Variants in RICTOR observed in about 807,000 individuals in gnomAD.
The protein encoded by RICTOR is RPTOR independent companion of MTOR complex 2, also known as rapamycin-insensitive companion of mTOR.
Under a neutral mutation model 214.9 loss-of-function variants are expected in RICTOR, and 49 were observed. That is an observed-to-expected ratio of 0.23 (90% CI 0.18 to 0.29). The LOEUF is 0.29. Among genes scored for constraint, RICTOR ranks in the 10% least tolerant of loss-of-function variants. The pLI, the probability that RICTOR is intolerant of heterozygous loss-of-function variation, is 1.00. For synonymous variants in RICTOR, 717 were observed against 711.3 expected (o/e 1.01, Z -0.13); for missense variants, 1,625 against 2,047.0 (o/e 0.79, Z 3.98).
At chr5:39,054,947 A>G (rs1758101408) in intron 2 of RICTOR, among the ~76,000 whole-genome samples, 1 of 152,200 alleles carries the variant, frequency 6.6e-6, no homozygotes, top group Non-Finnish European at 1.5e-5. Flanking sequence ...GTCTTGAAAA[A>G]CAATACACTA....
chr5:38,973,012 A>AG (rs1290343838), intron 10 of RICTOR, among the ~76,000 whole-genome samples: 1 of 151,992 alleles, frequency 6.6e-6, no homozygotes, highest in African/African-American at 2.4e-5. Flanking sequence ...CTTACAAAAA[A>AG]AAGCCTTATC....
chr5:39,061,841 C>T (rs1758562802), intron 2 of RICTOR, among the ~76,000 whole-genome samples: 1 of 151,714 alleles, frequency 6.6e-6, no homozygotes, highest in Non-Finnish European at 1.5e-5. Context: ...TTTTTTCATT[C>T]TGCTAGGTAA....
At chr5:39,074,281 G>T in intron 1 of RICTOR, 48 bp downstream of exon 1, 1 of 1,571,030 alleles carries the variant, frequency 6.4e-7, no homozygotes, top group Non-Finnish European at 8.6e-7. Context: ...CAAGTGCCAG[G>T]GGTGGCGGGC....
chr5:39,021,159 T>G, intron 2 of RICTOR, 23 bp from the exon 3 acceptor site: 1 of 1,231,752 alleles, frequency 8.1e-7, no homozygotes, highest in Non-Finnish European at 1.2e-6. Context: ...ACAAGACAAT[T>G]TAACACAATT....
chr5:39,068,253 G>A (rs1301487331), intron 2 of RICTOR, among the ~76,000 whole-genome samples: 2 of 152,202 alleles, frequency 1.3e-5, no homozygotes, highest in South Asian at 2.1e-4. Flanking sequence ...TACATGCCAT[G>A]TTCAAGGAAT....
At chr5:38,951,524 T>G (rs13172966) in intron 30 of RICTOR, among the ~76,000 whole-genome samples, 2,463 of 152,112 alleles carry the variant, frequency 0.016, 38 homozygotes, top group Non-Finnish European at 0.025. Flanking sequence ...TGTCCTAGTT[T>G]AATAGGCAGC....
intron 2 of RICTOR, among the ~76,000 whole-genome samples, chr5:39,030,049 A>T (rs1263742291): frequency 6.6e-6 from 1 of 152,156 alleles, no homozygotes; most frequent in Non-Finnish European, 1.5e-5. Context: ...TTCCAGAGCT[A>T]TGTTAATGAT....
chr5:38,985,201 C>T (rs79037223), intron 7 of RICTOR, among the ~76,000 whole-genome samples: 3,847 of 152,214 alleles, frequency 0.025, 73 homozygotes, highest in South Asian at 0.081. Context: ...CCCGATGATA[C>T]CAAAATTCTC....
At position 38,954,764 on chromosome 5, in the gene RICTOR, A is replaced by T; in HGVS notation, c.2697+10T>A. 6.7e-7 allele frequency: 1 copy of T among 1,489,042 alleles called. No individual in the cohort carries two copies. The highest frequency in any genetic ancestry group is 9.4e-7 in the Non-Finnish European group (1 of 1,068,808). 92.2% of individuals were successfully genotyped at this position (1,489,042 alleles called of 1,614,324 possible). A position where few individuals can be genotyped will look rare whatever the true frequency, so the allele number is the denominator to read the frequency against. On this transcript the variant is annotated intron_variant, in intron 27 of 37. Coordinates refer to ENST00000357387, the MANE Select transcript of RICTOR (RefSeq NM_152756.5). ...TGTAGCTACTTAAAATAAGTGAATT[A>T]TGTTTTTACCTGTACTTCCAACAAA...
intron 2 of RICTOR, among the ~76,000 whole-genome samples, chr5:39,039,942 T>A (rs1481998754): frequency 7.9e-5 from 12 of 152,028 alleles, no homozygotes; most frequent in Admixed American, 6.6e-5. Context: ...AGAAATACCA[T>A]TTGACCCAGC....
At chr5:39,040,900 G>T (rs1757115889) in intron 2 of RICTOR, among the ~76,000 whole-genome samples, 1 of 152,024 alleles carries the variant, frequency 6.6e-6, no homozygotes, top group Non-Finnish European at 1.5e-5. Context: ...AAAATTAAAT[G>T]GGAAAAAAGA....
chr5:39,071,928 C>T (rs902805285), intron 2 of RICTOR, among the ~76,000 whole-genome samples: 2 of 152,212 alleles, frequency 1.3e-5, no homozygotes, highest in African/African-American at 4.8e-5. Flanking sequence ...CAGCTGCAAC[C>T]CAAACTGCCT....
intron 2 of RICTOR, among the ~76,000 whole-genome samples, chr5:39,056,128 T>C (rs575339383): frequency 1.4e-3 from 206 of 152,280 alleles, no homozygotes; most frequent in Admixed American, 2.2e-3. Context: ...AGCAGCAAAA[T>C]TGGTCAGGAG....
Position 38,950,315 on chromosome 5 carries a change from A to G in RICTOR, c.3533T>C (p.Ile1178Thr), listed in dbSNP as rs1384531742. The change falls in exon 31 of 38, where the codon ATT becomes ACT. Residue 1178 changes from isoleucine (I) to threonine (T), a missense_variant. Ile to Thr is a moderately conservative substitution (Grantham distance 89). Transcript: ENST00000357387. ...GGTGAATTTTAAGTCATTTTCTCCA[A>G]TGCTTGGTGTACTACCAGTGTCTTC... ...HIEDTGSTPSIGENDLKFTKN... is the reference protein window; with the variant it reads ...HIEDTGSTPSTGENDLKFTKN... The G allele has an allele frequency of 5.0e-6, 8 of 1,613,384 alleles. 1 individual carries two copies. The East Asian group carries it at 1.3e-4, about 27-fold the overall frequency.
chr5:38,967,199 G>A lies in RICTOR; in HGVS notation c.1180C>T (p.Leu394=), dbSNP rs1345216661. 7 of 1,612,428 alleles carry A rather than the reference G, an allele frequency of 4.3e-6. No individual in the cohort carries two copies. The highest frequency in any genetic ancestry group is 3.3e-4 in the Middle Eastern group (2 of 6,056). Residue 394 remains leucine, a synonymous_variant, in exon 14 of 38, where the codon CTG becomes TTG. Transcript: ENST00000357387. The part of the protein sequence containing the change: ...RPDLMDNYLA[L]ILSAFIRNGL... ...TTACGAATAAATGCAGAGAGTATCA[G>A]TGCCAAATAATTATCCATGAGGTCT...
intron 2 of RICTOR, among the ~76,000 whole-genome samples, chr5:39,028,175 C>CTTTTTTTTT (rs70982535): frequency 6.4e-5 from 5 of 78,438 alleles, no homozygotes; most frequent in Non-Finnish European, 6.8e-5. Context: ...AACTGGAATT[C>CTTTTTTTTT]TTTTTTTTTT....
chr5:39,046,116 A>T (rs1757480750), intron 2 of RICTOR, among the ~76,000 whole-genome samples: 2 of 151,398 alleles, frequency 1.3e-5, no homozygotes, highest in Non-Finnish European at 2.9e-5. Context: ...CTGGGAGGCC[A>T]AGTTGGGAGG....
chr5:39,014,498 A>G (rs1754787813), intron 3 of RICTOR, among the ~76,000 whole-genome samples: 2 of 152,102 alleles, frequency 1.3e-5, no homozygotes, highest in African/African-American at 4.8e-5. Context: ...TACTCAGCTT[A>G]TAATACCTTA....
At chr5:38,968,177 C>G (rs903203804) in intron 11 of RICTOR, 147 bp from the exon 12 acceptor site, 3 of 600,636 alleles carry the variant, frequency 5.0e-6, no homozygotes, top group Non-Finnish European at 9.1e-6. Flanking sequence ...CAATGATGGA[C>G]CATATATACG....
Sources: allele counts gnomAD v4.1 joint callset (sites outside exome capture counted in the v4.1 genomes callset), GRCh38; gene constraint gnomAD v4.1.1; transcripts MANE v1.5; gene names NCBI Gene and HGNC (gene_info 2026-07-23, HGNC 2026-07-21).